Variants in MBNL1 observed in about 807,000 individuals in gnomAD.
The protein encoded by MBNL1 is muscleblind-like protein 1.
A neutral mutation model predicts 42.2 loss-of-function variants in MBNL1; 8 were observed. That is an observed-to-expected ratio of 0.19 (90% CI 0.11 to 0.34). The LOEUF (loss-of-function observed/expected upper bound fraction) is 0.34, where lower values mean the gene tolerates loss of function less well. MBNL1 is among the 10% of genes least tolerant of loss of function. The pLI is 1.00. For synonymous variants in MBNL1, 169 were observed against 173.9 expected (o/e 0.97, Z 0.22); for missense variants, 309 against 495.3 (o/e 0.62, Z 3.57).
At chr3:152,342,719 C>T (rs1040169973) in intron 2 of MBNL1, among the ~76,000 whole-genome samples, 4 of 152,064 alleles carry the variant, frequency 2.6e-5, no homozygotes, top group Non-Finnish European at 5.9e-5. Flanking sequence ...GGATAAGTAG[C>T]ATAGTTTAGT....
At chr3:152,390,894 GC>G (rs1490377725) in intron 2 of MBNL1, among the ~76,000 whole-genome samples, 5 of 152,162 alleles carry the variant, frequency 3.3e-5, no homozygotes, top group African/African-American at 1.2e-4. Context: ...CCAGAACAAT[GC>G]CCAAAAACCT....
In MBNL1 at chr3:152,459,287, C is replaced by T; in HGVS notation, c.1109C>T (p.Ala370Val). The T allele has an allele frequency of 2.5e-6, 4 of 1,582,556 alleles. No individual in the cohort carries two copies. The highest frequency in any genetic ancestry group is 2.3e-5 in the East Asian group (1 of 43,430). The change falls in exon 9 of 10, where the codon GCC (alanine) becomes GTC (valine). Residue 370 changes from alanine to valine, a missense_variant. Coordinates refer to ENST00000324210, the MANE Select transcript of MBNL1 (RefSeq NM_021038.5). ...ATTTGCTAGATACCCATAATATCTG[C>T]CGAACATCTGACTAGCCACAAGTAT... ...ATANQIPIISAEHLTSHKYVT... is the reference protein window; with the variant it reads ...ATANQIPIISVEHLTSHKYVT...
intron 2 of MBNL1, among the ~76,000 whole-genome samples, chr3:152,333,715 A>C (rs2087062049): frequency 6.6e-6 from 1 of 152,226 alleles, no homozygotes; most frequent in African/African-American, 2.4e-5. Flanking sequence ...GAACTTGTGG[A>C]ATTTCAGGGC....
At chr3:152,269,720 CT>C in intron 1 of MBNL1, 1 of 143,026 alleles carries the variant, frequency 7.0e-6, no homozygotes, top group Non-Finnish European at 1.3e-5. Context: ...TCCTCCTTTT[CT>C]TCTTCTTCTT....
At chr3:152,425,649 T>C (rs1381082561) in intron 3 of MBNL1, among the ~76,000 whole-genome samples, 3 of 150,638 alleles carry the variant, frequency 2.0e-5, no homozygotes, top group African/African-American at 7.3e-5. Context: ...AAAACCACAA[T>C]GAGATAGCAT....
intron 1 of MBNL1, among the ~76,000 whole-genome samples, chr3:152,277,849 GTTAT>G (rs1224255037): frequency 6.6e-6 from 1 of 151,910 alleles, no homozygotes; most frequent in Non-Finnish European, 1.5e-5. Context: ...CAACTTATTA[GTTAT>G]TTAGATTGCC....
In MBNL1 at chr3:152,396,068, G is replaced by A. The variant is rs372992732; in HGVS notation, c.175-18873G>A. The A allele has an allele frequency of 4.4e-5, 8 of 180,694 alleles. No individual in the cohort carries two copies. The East Asian group carries it at 5.1e-4, about 12-fold the overall frequency. The allele number at this position is 180,694 out of a possible 1,614,324, so 11.2% of individuals were successfully genotyped here. On this transcript the variant is annotated intron_variant, in intron 2 of 9. Coordinates refer to ENST00000324210, the MANE Select transcript of MBNL1 (RefSeq NM_021038.5). ...ACGTGTTGGATTCTCATAGGAGTGTGAACCCTATTGTGAACTGTGCATGCA... is the reference window on the plus strand; with the variant it reads ...ACGTGTTGGATTCTCATAGGAGTGTAAACCCTATTGTGAACTGTGCATGCA...
intron 2 of MBNL1, among the ~76,000 whole-genome samples, chr3:152,379,101 C>T (rs967822977): frequency 1.3e-5 from 2 of 152,160 alleles, no homozygotes; most frequent in African/African-American, 2.4e-5. Context: ...GCATGTTTAA[C>T]ATTAACAAAT....
intron 2 of MBNL1, among the ~76,000 whole-genome samples, chr3:152,364,106 T>C (rs1309815446): frequency 6.6e-6 from 1 of 152,148 alleles, no homozygotes; most frequent in East Asian, 1.9e-4. Context: ...TTATTTTTCA[T>C]GGACAACTCC....
intron 2 of MBNL1, among the ~76,000 whole-genome samples, chr3:152,326,661 A>G (rs1207183024): frequency 6.6e-6 from 1 of 152,058 alleles, no homozygotes; most frequent in African/African-American, 2.4e-5. Context: ...GAAAAAATGC[A>G]TGATATTTAT....
intron 2 of MBNL1, among the ~76,000 whole-genome samples, chr3:152,393,336 A>G (rs1156675654): frequency 6.6e-6 from 1 of 152,226 alleles, no homozygotes; most frequent in Non-Finnish European, 1.5e-5. Flanking sequence ...ATCTTAGAGA[A>G]TTTCTTGATA....
chr3:152,445,685 A>G, intron 5 of MBNL1, 146 bp downstream of exon 5: 1 of 826,956 alleles, frequency 1.2e-6, no homozygotes, highest in Non-Finnish European at 1.8e-6. Flanking sequence ...CAATATATAA[A>G]GAAGTTACTT....
chr3:152,271,799 A>G (rs1485319563), intron 1 of MBNL1, among the ~76,000 whole-genome samples: 2 of 152,146 alleles, frequency 1.3e-5, no homozygotes, highest in African/African-American at 4.8e-5. Flanking sequence ...AAAGCTTCAT[A>G]TGTTTGGAAA....
chr3:152,364,105 A>G (rs1046289337), intron 2 of MBNL1, among the ~76,000 whole-genome samples: 3 of 151,970 alleles, frequency 2.0e-5, no homozygotes, highest in African/African-American at 4.8e-5. Flanking sequence ...TTTATTTTTC[A>G]TGGACAACTC....
chr3:152,252,134 A>ACCTT (rs139692617), intron 2 of MBNL1, among the ~76,000 whole-genome samples: 18,258 of 102,714 alleles, frequency 0.18, 2,033 homozygotes, highest in South Asian at 0.26. Context: ...AAACTAACCT[A>ACCTT]CCTTCCTTCC....
intron 3 of MBNL1, among the ~76,000 whole-genome samples, chr3:152,418,614 TAAA>T (rs35149542): frequency 5.6e-5 from 6 of 106,928 alleles, no homozygotes; most frequent in Admixed American, 1.0e-4. Flanking sequence ...ACCCTGTCTC[TAAA>T]AAAAAAAAAA....
chr3:152,432,293 T>A (rs1179920856), intron 3 of MBNL1, among the ~76,000 whole-genome samples: 1 of 152,212 alleles, frequency 6.6e-6, no homozygotes, highest in Non-Finnish European at 1.5e-5. Context: ...TGCAACCTAT[T>A]AACAGTTGTA....
At chr3:152,328,512 T>A (rs1393099159) in intron 2 of MBNL1, among the ~76,000 whole-genome samples, 1 of 152,182 alleles carries the variant, frequency 6.6e-6, no homozygotes, top group Non-Finnish European at 1.5e-5. Flanking sequence ...CTGTTCTAGA[T>A]ATTTGAGATT....
intron 2 of MBNL1, among the ~76,000 whole-genome samples, chr3:152,315,837 A>G (rs1385846736): frequency 6.8e-6 from 1 of 146,572 alleles, no homozygotes; most frequent in African/African-American, 2.6e-5. Context: ...TAATAGTGAA[A>G]GCGTGTGAAC....
Sources: gnomAD v4.1 joint callset for allele counts (sites outside exome capture counted in the v4.1 genomes callset) on GRCh38, gnomAD v4.1.1 for gene constraint, MANE v1.5 for transcripts, NCBI Gene and HGNC (gene_info 2026-07-23, HGNC 2026-07-21) for gene names.